SH3D19: variants seen among roughly 807,000 people sequenced by gnomAD.
SH3D19 encodes SH3 domain containing 19, also known as SH3 domain-containing protein 19.
In SH3D19, 58 loss-of-function variants were observed where a neutral mutation model predicts 112.1. The ratio of observed to expected loss-of-function variants is 0.52; its 90% CI spans 0.42 to 0.64. SH3D19 has a LOEUF of 0.64. SH3D19 is among the 30% of genes least tolerant of loss of function. SH3D19 has a pLI of 0.00. For synonymous variants in SH3D19, 391 were observed against 448.5 expected, an observed-to-expected ratio of 0.87 and a Z score of 1.62; for missense variants, 1,090 against 1,263.4, an observed-to-expected ratio of 0.86 and a Z score of 2.08.
In SH3D19 at chr4:151,213,160, A is replaced by G. The variant is rs551620962; in HGVS notation, c.152+12887T>C. On this transcript the variant is annotated intron_variant, in intron 2 of 19. Coordinates refer to ENST00000604030, the MANE Select transcript of SH3D19 (RefSeq NM_001378122.1). ...TACTCCTGGTGAAGATGCTGTAAAC[A>G]TTGTTGAAACGACAACAAAGGATTT... 5.9e-5 allele frequency among the ~76,000 whole-genome samples: 9 copies of G among 152,376 alleles called. No individual in the cohort carries two copies. The South Asian group carries it at 1.7e-3, about 28-fold the overall frequency.
intron 2 of SH3D19, 57 bp from the exon 3 acceptor site, chr4:151,187,520 T>C: frequency 2.9e-6 from 3 of 1,041,832 alleles, no homozygotes; most frequent in South Asian, 4.9e-5. Flanking sequence ...AAAAGAGCCA[T>C]TCATAAGGCC....
chr4:151,135,229 G>A (rs577476412), intron 14 of SH3D19, 97 bp from the exon 15 acceptor site: 55 of 949,916 alleles, frequency 5.8e-5, no homozygotes, highest in Admixed American at 5.7e-4. Context: ...GACTGAAATC[G>A]ATCGGTTTAG....
At chr4:151,249,351 C>T (rs1049337455) in intron 1 of SH3D19, among the ~76,000 whole-genome samples, 2 of 152,094 alleles carry the variant, frequency 1.3e-5, no homozygotes, top group African/African-American at 4.8e-5. Flanking sequence ...AGAAAGTTAT[C>T]AAGTGATCAG....
At chr4:151,250,512 AAGAG>A (rs140133617) in intron 1 of SH3D19, among the ~76,000 whole-genome samples, 3 of 131,244 alleles carry the variant, frequency 2.3e-5, no homozygotes, top group South Asian at 2.3e-4. Flanking sequence ...CAAGACAAGA[AAGAG>A]AGAGAGAGAG....
intron 1 of SH3D19, among the ~76,000 whole-genome samples, chr4:151,272,758 C>CTTTTTTTTTTT (rs1554065162): frequency 6.8e-6 from 1 of 146,966 alleles, no homozygotes. Flanking sequence ...TCAGGTTTCA[C>CTTTTTTTTTTT]TTTTCTTTTT....
chr4:151,236,310 C>T (rs371188524), intron 1 of SH3D19, among the ~76,000 whole-genome samples: 14 of 152,356 alleles, frequency 9.2e-5, no homozygotes, highest in East Asian at 1.9e-4. Context: ...GTGGGTTCCG[C>T]GGGCCCCGCA....
chr4:151,231,834 TC>T (rs1302510307), intron 1 of SH3D19, among the ~76,000 whole-genome samples: 2 of 152,178 alleles, frequency 1.3e-5, no homozygotes, highest in Non-Finnish European at 2.9e-5. Flanking sequence ...AATGCAGTAC[TC>T]TAATTACCCA....
chr4:151,241,919 T>C (rs1378981017), intron 1 of SH3D19, among the ~76,000 whole-genome samples: 3 of 149,956 alleles, frequency 2.0e-5, no homozygotes, highest in Non-Finnish European at 4.4e-5. Context: ...TTGGCCAGTG[T>C]CCGTGGCTCA....
At chr4:151,236,778 T>C (rs1445364052) in intron 1 of SH3D19, among the ~76,000 whole-genome samples, 1 of 152,118 alleles carries the variant, frequency 6.6e-6, no homozygotes, top group African/African-American at 2.4e-5. Flanking sequence ...AGCTAAAGGA[T>C]TGTAAATGGC....
chr4:151,137,957 G>A, intron 13 of SH3D19, 95 bp from the exon 14 acceptor site: 1 of 967,840 alleles, frequency 1.0e-6, no homozygotes, highest in Non-Finnish European at 1.4e-6. Flanking sequence ...CACTGAGGCA[G>A]TTATGTTCCA....
chr4:151,182,836 G>A (rs1014489107), intron 3 of SH3D19, among the ~76,000 whole-genome samples: 3 of 152,206 alleles, frequency 2.0e-5, no homozygotes, highest in Admixed American at 6.5e-5. Context: ...CAGGAAAATC[G>A]AATTTGCCAG....
intron 1 of SH3D19, among the ~76,000 whole-genome samples, chr4:151,316,584 T>A (rs1381930932): frequency 6.6e-6 from 1 of 152,082 alleles, no homozygotes; most frequent in Non-Finnish European, 1.5e-5. Flanking sequence ...AATTTTTTTA[T>A]TTTTTTCTTA....
chr4:151,168,594 C>G (rs982980782), intron 7 of SH3D19, among the ~76,000 whole-genome samples: 1 of 152,048 alleles, frequency 6.6e-6, no homozygotes, highest in East Asian at 1.9e-4. Flanking sequence ...GCCACCATGC[C>G]TGGCTAATTT....
At chr4:151,130,919 G>C (rs915231885) in intron 17 of SH3D19, among the ~76,000 whole-genome samples, 1 of 150,866 alleles carries the variant, frequency 6.6e-6, no homozygotes, top group East Asian at 2.0e-4. Flanking sequence ...CAGCCTGGGC[G>C]ACGGAGTAAG....
chr4:151,227,490 C>G (rs1473352513), intron 1 of SH3D19, among the ~76,000 whole-genome samples: 2 of 152,198 alleles, frequency 1.3e-5, no homozygotes, highest in African/African-American at 2.4e-5. Context: ...TACACTGTGA[C>G]TTAGTATTAC....
chr4:151,297,395 T>C (rs1166917713), intron 1 of SH3D19, among the ~76,000 whole-genome samples: 1 of 152,188 alleles, frequency 6.6e-6, no homozygotes, highest in Non-Finnish European at 1.5e-5. Context: ...CATAGCCTTG[T>C]GCTATAATTA....
At chr4:151,257,992 C>T (rs1413215501) in intron 1 of SH3D19, among the ~76,000 whole-genome samples, 6 of 152,024 alleles carry the variant, frequency 3.9e-5, no homozygotes, top group Non-Finnish European at 7.3e-5. Context: ...CATACAAATG[C>T]TCTGTCAATA....
intron 1 of SH3D19, among the ~76,000 whole-genome samples, chr4:151,288,661 G>A (rs577760010): frequency 5.3e-5 from 8 of 151,554 alleles, no homozygotes; most frequent in South Asian, 2.1e-4. Context: ...GCAACGAAGC[G>A]AGACTCTGTC....
intron 9 of SH3D19, among the ~76,000 whole-genome samples, chr4:151,158,519 C>T (rs1046337358): frequency 1.3e-5 from 2 of 151,950 alleles, no homozygotes; most frequent in Non-Finnish European, 2.9e-5. Context: ...AGGCTCGTCT[C>T]GAACTCCTGA....
Sources: gnomAD v4.1 joint callset for allele counts (sites outside exome capture counted in the v4.1 genomes callset) on GRCh38, gnomAD v4.1.1 for gene constraint, MANE v1.5 for transcripts, NCBI Gene and HGNC (gene_info 2026-07-23, HGNC 2026-07-21) for gene names.